DAB2IP: variants seen among roughly 807,000 people sequenced by gnomAD.
The protein encoded by DAB2IP is disabled homolog 2-interacting protein.
A neutral mutation model predicts 107.2 loss-of-function variants in DAB2IP; 28 were observed. The ratio of observed to expected loss-of-function variants is 0.26; its 90% CI spans 0.19 to 0.36. DAB2IP has a LOEUF of 0.36. DAB2IP is among the 10% of genes least tolerant of loss of function. DAB2IP has a pLI of 1.00. For synonymous variants in DAB2IP, 755 were observed against 706.4 expected (o/e 1.07, Z -1.09); for missense variants, 1,400 against 1,644.7 (o/e 0.85, Z 2.57).
chr9:121,678,831 C>G (rs1828415054), intron 2 of DAB2IP, 50 bp downstream of exon 2: 1 of 1,490,828 alleles, frequency 6.7e-7, no homozygotes, highest in African/African-American at 1.4e-5. Flanking sequence ...CCATCACCAC[C>G]TCGCCCGGGG....
chr9:121,599,285 G>T lies in DAB2IP; in HGVS notation c.40+32057G>T, dbSNP rs1830608530. ...CCTGGGGACTCCGGGAGGGGAGGGGGCGTGTGGTCCCGCCGGCATCTCGGG... is the reference window on the plus strand; with the variant it reads ...CCTGGGGACTCCGGGAGGGGAGGGGTCGTGTGGTCCCGCCGGCATCTCGGG... On this transcript the variant is annotated intron_variant, in intron 1 of 16. Transcript: ENST00000259371. This position sits in a 1 kb window ranked among gnomAD's most constrained non-coding sequence, Gnocchi z 6.9. 1.3e-5 allele frequency among the ~76,000 whole-genome samples: 2 copies of T among 152,188 alleles called. No individual in the cohort carries two copies. Among genetic ancestry groups the T allele is most frequent in the South Asian group, 4.1e-4 (2 of 4,836 alleles).
chr9:121,648,603 T>C (rs1832626868), upstream of DAB2IP, among the ~76,000 whole-genome samples: 1 of 152,166 alleles, frequency 6.6e-6, no homozygotes, highest in African/African-American at 2.4e-5. Context: ...TAAACTTGCA[T>C]GTTTCCAGGC....
intron 3 of DAB2IP, among the ~76,000 whole-genome samples, chr9:121,723,697 A>G (rs1378933643): frequency 1.3e-5 from 2 of 152,226 alleles, no homozygotes; most frequent in Non-Finnish European, 2.9e-5. Context: ...TTTCATTTAG[A>G]GTACAGTGTT....
At chr9:121,567,152 A>G (rs1298904767) in exon 1 of DAB2IP, 7 of 1,613,868 alleles carry the variant, frequency 4.3e-6, no homozygotes, top group Admixed American at 1.7e-5. Flanking sequence ...CTCGGTTCAT[A>G]AATCAGGTGG....
chr9:121,780,078 G>A (rs1361078067), intron 14 of DAB2IP, among the ~76,000 whole-genome samples: 1 of 152,150 alleles, frequency 6.6e-6, no homozygotes, highest in African/African-American at 2.4e-5. Flanking sequence ...AAGAGATGGG[G>A]TCTCGCCATG....
chr9:121,567,309 A>G (rs1829827729), intron 1 of DAB2IP: 11 of 1,599,180 alleles, frequency 6.9e-6, no homozygotes, highest in African/African-American at 1.3e-5. Context: ...TAGGAATCTG[A>G]GTTGAAGCAG....
At chr9:121,764,828 C>T (rs953975446) in intron 8 of DAB2IP, among the ~76,000 whole-genome samples, 1 of 152,220 alleles carries the variant, frequency 6.6e-6, no homozygotes, top group South Asian at 2.1e-4. Context: ...GAGGCCACAC[C>T]TGGTACCCTC....
chr9:121,676,095 G>C lies in DAB2IP; in HGVS notation c.125-2583G>C, dbSNP rs75708653. 2.9e-3 allele frequency among the ~76,000 whole-genome samples: 439 copies of C among 152,346 alleles called. 17 individuals carry two copies. The East Asian group carries it at 0.073, about 25-fold the overall frequency. ...TTTCTGGAAGAGGCGCCTGGGGCTG[G>C]ATGGTCTGGACCTGGTGTCAATGCC... On this transcript the variant is annotated intron_variant, in intron 1 of 15. Transcript: ENST00000408936.
chr9:121,644,110 G>A (rs1188813519), intron 1 of DAB2IP, among the ~76,000 whole-genome samples: 1 of 151,668 alleles, frequency 6.6e-6, no homozygotes, highest in African/African-American at 2.4e-5. Flanking sequence ...ATTCGAGGTC[G>A]CAGTGAGCTA....
At chr9:121,688,438 G>T (rs1408737825) in intron 2 of DAB2IP, among the ~76,000 whole-genome samples, 1 of 152,190 alleles carries the variant, frequency 6.6e-6, no homozygotes, top group Non-Finnish European at 1.5e-5. Flanking sequence ...GCTCCCAGCA[G>T]GGTGGGGGAT....
In DAB2IP at chr9:121,699,468, CCGCCGCCGCCCGGTCCCCCG is replaced by C. The variant is rs562680872; in HGVS notation, c.362+22_362+41del. 397 of 1,326,520 alleles carry C rather than the reference CCGCCGCCGCCCGGTCCCCCG, an allele frequency of 3.0e-4. No homozygotes were observed. The African/African-American group carries it at 4.7e-3, about 16-fold the overall frequency. The allele number at this position is 1,326,520 out of a possible 1,614,324, so 82.2% of individuals were successfully genotyped here. A position where few individuals can be genotyped will look rare whatever the true frequency, so the allele number is the denominator to read the frequency against. On this transcript the variant is annotated intron_variant, in intron 3 of 15. Coordinates refer to ENST00000408936, the Ensembl canonical transcript of DAB2IP. This position sits in a 1 kb window ranked among gnomAD's most constrained non-coding sequence, Gnocchi z 6.2. ...CCGCGGACAATGAGAGGTGAGCCCG[CCGCCGCCGCCCGGTCCCCCG>C]CGCCGCCGCCCCGGGCTGCGCCCCT...
chr9:121,644,173 AAAG>A (rs150066609), intron 1 of DAB2IP, among the ~76,000 whole-genome samples: 10,149 of 149,900 alleles, frequency 0.068, 1,111 homozygotes, highest in African/African-American at 0.23. Context: ...CTTGTCTAAA[AAAG>A]AAGAAGAAGA....
At chr9:121,678,853 G>A in intron 2 of DAB2IP, 72 bp downstream of exon 2, 1 of 1,363,202 alleles carries the variant, frequency 7.3e-7, no homozygotes, top group South Asian at 1.5e-5. Context: ...GCTGCTCTGT[G>A]ACCCCACGGC....
At chr9:121,641,892 C>CCTTCCTTT (rs1832304037) in intron 1 of DAB2IP, among the ~76,000 whole-genome samples, 3 of 89,334 alleles carry the variant, frequency 3.4e-5, no homozygotes, top group African/African-American at 5.3e-5. Flanking sequence ...CATTTCTTTC[C>CCTTCCTTT]CTTTCTTTCT....
At chr9:121,779,817 T>C (rs1262756106) in intron 14 of DAB2IP, among the ~76,000 whole-genome samples, 3 of 152,232 alleles carry the variant, frequency 2.0e-5, no homozygotes, top group Admixed American at 2.0e-4. Context: ...GAACCCCCAC[T>C]CGGGAGCTAT....
At chr9:121,744,130 C>T (rs1040715629) in intron 3 of DAB2IP, among the ~76,000 whole-genome samples, 3 of 152,266 alleles carry the variant, frequency 2.0e-5, no homozygotes, top group South Asian at 2.1e-4. Context: ...GTGGCCGAAC[C>T]TTTGGCTGGC....
intron 8 of DAB2IP, among the ~76,000 whole-genome samples, chr9:121,764,243 C>G (rs1295913443): frequency 6.6e-6 from 1 of 152,204 alleles, no homozygotes; most frequent in African/African-American, 2.4e-5. Flanking sequence ...TCCGTGGGAG[C>G]TAAGGTGCTC....
At chr9:121,583,098 G>A (rs545098111) in intron 1 of DAB2IP, among the ~76,000 whole-genome samples, 42 of 152,318 alleles carry the variant, frequency 2.8e-4, no homozygotes, top group African/African-American at 9.9e-4. Flanking sequence ...TTAGAAAACG[G>A]AGAAGCTGGC....
chr9:121,692,030 T>C (rs1033258984), intron 2 of DAB2IP, among the ~76,000 whole-genome samples: 1 of 152,190 alleles, frequency 6.6e-6, no homozygotes, highest in African/African-American at 2.4e-5. Context: ...GGAGTTATCT[T>C]GGAAGCCGTT....
Sources: gnomAD v4.1 joint callset for allele counts (sites outside exome capture counted in the v4.1 genomes callset) on GRCh38, gnomAD v4.1.1 for gene constraint, Gnocchi (gnomAD v3.1) non-coding constraint, MANE v1.5 for transcripts, NCBI Gene and HGNC (gene_info 2026-07-23, HGNC 2026-07-21) for gene names.